TNRC18: variants seen among roughly 807,000 people sequenced by gnomAD.
TNRC18 encodes the protein trinucleotide repeat-containing gene 18 protein.
Under a neutral mutation model 226.7 loss-of-function variants are expected in TNRC18, and 69 were observed. The observed-to-expected ratio is 0.30, with a 90% CI of 0.25 to 0.37. The LOEUF is 0.37. Among genes scored for constraint, TNRC18 ranks in the 10% least tolerant of loss-of-function variants. The pLI is 1.00. For missense variants in TNRC18, 4,754 were observed against 4,256.6 expected (o/e 1.12, Z -3.25); for synonymous variants, 2,449 against 1,927.6 (o/e 1.27, Z -7.09).
Position 5,388,035 on chromosome 7 carries a change from G to T in TNRC18, c.1789C>A (p.Arg597=). The T allele has an allele frequency of 6.4e-7, 1 of 1,563,838 alleles. No homozygotes were observed. Among genetic ancestry groups the T allele is most frequent in the Non-Finnish European group, 8.7e-7 (1 of 1,155,122 alleles). ...SLIKYSGSFA[R]DAVAVRPGGC... ...CCAGGGCGCACGGCCACGGCGTCCC[G>T]GGCAAAGCTGCCACTGTACTTTATA... The change falls in exon 5 of 30, where the codon CGG becomes AGG. Residue 597 remains arginine (R), a synonymous_variant. Coordinates refer to ENST00000430969, the MANE Select transcript of TNRC18 (RefSeq NM_001080495.3).
At chr7:5,341,486 A>G (rs1790680377) in intron 18 of TNRC18, among the ~76,000 whole-genome samples, 1 of 144,370 alleles carries the variant, frequency 6.9e-6, no homozygotes, top group African/African-American at 2.6e-5. Context: ...ACAGCAGACC[A>G]GGTGTGGTGG....
intron 19 of TNRC18, among the ~76,000 whole-genome samples, chr7:5,327,546 T>C (rs1789061622): frequency 6.6e-6 from 1 of 151,964 alleles, no homozygotes; most frequent in South Asian, 2.1e-4. Context: ...ATTAAGCAGA[T>C]AGCTGCAGCT....
chr7:5,374,167 TGGGGAGGCGGGCGGCGGGCTGG>T lies in TNRC18; in HGVS notation c.3095_3116del (p.Thr1032AsnfsTer120). ...TGCGGGTGATACCCGGGGTGGGCGG[TGGGGAGGCGGGCGGCGGGCTGG>T]TGGGGTGGGAGCTGGGGGTGGCGGG... On this transcript the variant is annotated frameshift_variant, in exon 10 of 30. Coordinates refer to ENST00000430969, the MANE Select transcript of TNRC18 (RefSeq NM_001080495.3). LOFTEE classifies it high-confidence loss of function. The T allele has an allele frequency of 6.9e-6, 3 of 432,252 alleles. No homozygotes were observed. The highest frequency in any genetic ancestry group is 2.7e-6 in the Non-Finnish European group (1 of 376,016). 26.8% of individuals were successfully genotyped at this position (432,252 alleles called of 1,614,324 possible). A position where few individuals can be genotyped will look rare whatever the true frequency, so the allele number is the denominator to read the frequency against.
At chr7:5,314,293 C>T (rs1364679383) in intron 26 of TNRC18, among the ~76,000 whole-genome samples, 1 of 152,148 alleles carries the variant, frequency 6.6e-6, no homozygotes, top group Non-Finnish European at 1.5e-5. Flanking sequence ...TCAATCCTGG[C>T]CCTGCTACTT....
chr7:5,422,865 G>A (rs1214051459), intron 1 of TNRC18: 1 of 152,222 alleles, frequency 6.6e-6, no homozygotes, highest in African/African-American at 2.4e-5. Context: ...ATGTCTTAAG[G>A]AGGCGATGAG....
chr7:5,362,120 AG>A, intron 12 of TNRC18, 87 bp from the exon 13 acceptor site: 2 of 1,506,020 alleles, frequency 1.3e-6, no homozygotes, highest in South Asian at 2.5e-5. Context: ...CCCCTGAGGA[AG>A]GGGAGACTGC....
chr7:5,420,271 G>A, intron 2 of TNRC18: 1 of 401,790 alleles, frequency 2.5e-6, no homozygotes. Flanking sequence ...AGCTCGATGT[G>A]AGACCCAGGG....
At chr7:5,323,568 G>GTTTTT (rs1554272402) in intron 21 of TNRC18, among the ~76,000 whole-genome samples, 1,788 of 122,232 alleles carry the variant, frequency 0.015, 92 homozygotes, top group South Asian at 0.024. Context: ...GCACCAGACA[G>GTTTTT]TTTTTTTTTT....
chr7:5,401,241 G>A (rs1019427292), intron 2 of TNRC18, among the ~76,000 whole-genome samples: 1 of 137,576 alleles, frequency 7.3e-6, no homozygotes, highest in Non-Finnish European at 1.6e-5. Context: ...GGGGGGCGGG[G>A]GGGCTGCATG....
chr7:5,345,810 T>A lies in TNRC18; in HGVS notation c.5471A>T (p.Asp1824Val). The change falls in exon 18 of 30, where the codon GAT becomes GTT. Residue 1824 changes from aspartate (D) to valine (V), a missense_variant and splice_region_variant. Physicochemically the swap from Asp to Val is radical, Grantham distance 152. Coordinates refer to ENST00000430969, the MANE Select transcript of TNRC18 (RefSeq NM_001080495.3). ...SDSSEESFDQ[D>V]ESSEEEDEEE... The stretch of plus-strand genomic sequence containing the variant: ...CTCGTCCTCCTCCTCCGAGCTCTCA[T>A]CTGGCGTGCAGAAAACAGGGACCGA... The A allele has an allele frequency of 6.5e-7, 1 of 1,541,384 alleles. No individual in the cohort carries two copies. The highest frequency in any genetic ancestry group is 8.7e-7 in the Non-Finnish European group (1 of 1,146,110).
intron 2 of TNRC18, among the ~76,000 whole-genome samples, chr7:5,398,264 G>A (rs897637714): frequency 1.3e-5 from 2 of 151,826 alleles, no homozygotes; most frequent in African/African-American, 2.4e-5. Context: ...TCCGCCACCC[G>A]GGTTCAAGTG....
intron 2 of TNRC18, among the ~76,000 whole-genome samples, chr7:5,412,632 A>T (rs1781919479): frequency 6.6e-6 from 1 of 152,176 alleles, no homozygotes; most frequent in Non-Finnish European, 1.5e-5. Context: ...CCTCACAACC[A>T]CCAAATGAAC....
intron 19 of TNRC18, among the ~76,000 whole-genome samples, chr7:5,328,263 C>T (rs1789140539): frequency 6.6e-6 from 1 of 152,102 alleles, no homozygotes; most frequent in Non-Finnish European, 1.5e-5. Context: ...TGGCTCACGC[C>T]TGTAATCCCA....
Position 5,314,999 on chromosome 7 carries a change from C to G in TNRC18, c.7012G>C (p.Ala2338Pro), listed in dbSNP as rs769607538. 2.5e-6 allele frequency: 4 copies of G among 1,606,360 alleles called. No individual in the cohort carries two copies. The Admixed American group carries it at 6.7e-5, about 27-fold the overall frequency. The change falls in exon 26 of 30, where the codon GCC becomes CCC. Residue 2338 changes from alanine (A) to proline (P), a missense_variant. Transcript: ENST00000430969. ...GCCAACCTACCACCCTTGGCCTTGGCGCTGGGTTTCCGCCCACGCCCACGG... is the reference window on the plus strand; with the variant it reads ...GCCAACCTACCACCCTTGGCCTTGGGGCTGGGTTTCCGCCCACGCCCACGG... ...KARGRGRKPSAKAKGDRAATL... is the reference protein window; with the variant it reads ...KARGRGRKPSPKAKGDRAATL...
intron 21 of TNRC18, 70 bp from the exon 22 acceptor site, chr7:5,321,260 A>AC: frequency 8.7e-7 from 1 of 1,148,340 alleles, no homozygotes. Context: ...TCCTCCCGTT[A>AC]CCCCCAAGTC....
Position 5,377,058 on chromosome 7 carries a change from C to T in TNRC18, c.2462-65G>A, listed in dbSNP as rs1167427920. The T allele has an allele frequency of 6.5e-6, 10 of 1,528,224 alleles. No individual in the cohort carries two copies. The highest frequency in any genetic ancestry group is 7.9e-6 in the Non-Finnish European group (9 of 1,140,052). The allele number at this position is 1,528,224 out of a possible 1,614,324, so 94.7% of individuals were successfully genotyped here. A position where few individuals can be genotyped will look rare whatever the true frequency, so the allele number is the denominator to read the frequency against. ...CCCCAAGCGGTTTGTCCTCGGGCAGCCCCAGCCCAGCACCACCTCCCAAGT... is the reference window on the plus strand; with the variant it reads ...CCCCAAGCGGTTTGTCCTCGGGCAGTCCCAGCCCAGCACCACCTCCCAAGT... On this transcript the variant is annotated intron_variant, in intron 7 of 29. Coordinates refer to ENST00000430969, the MANE Select transcript of TNRC18 (RefSeq NM_001080495.3). The surrounding 1 kb of genome is among the most constrained non-coding windows in gnomAD (Gnocchi z 5.8).
chr7:5,361,642 G>T lies in TNRC18; in HGVS notation c.4613C>A (p.Ala1538Asp), dbSNP rs780124904. 84 of 1,552,756 alleles carry T rather than the reference G, an allele frequency of 5.4e-5. No homozygotes were observed. Among genetic ancestry groups the T allele is most frequent in the Non-Finnish European group, 7.0e-5 (81 of 1,150,468 alleles). ...CCCTCTCTTGCGGGGGGGCGACAGG[G>T]CGCTCGGGGCGTGGGTCCGTTTCCG... ...RPRKRTHAPSALSPPRKRGKS... is the reference protein window; with the variant it reads ...RPRKRTHAPSDLSPPRKRGKS... The change falls in exon 14 of 30, where the codon GCC becomes GAC. Residue 1538 changes from alanine (A) to aspartate (D), a missense_variant. Physicochemically the swap from Ala to Asp is moderately radical, Grantham distance 126. Transcript: ENST00000430969.
In TNRC18 at chr7:5,313,387, C is replaced by T. The variant is rs757878914; in HGVS notation, c.7504G>A (p.Gly2502Ser). Reference sequence around the variant, plus strand: ...CTGCCGGCCGCGGGGGGATAGCTGCCCAGGCTCAGGAGGCTCTTGGGCTCC... The same window carrying T: ...CTGCCGGCCGCGGGGGGATAGCTGCTCAGGCTCAGGAGGCTCTTGGGCTCC... ...WQEPKSLLSLGSYPPAAGSSE... is the reference protein window; with the variant it reads ...WQEPKSLLSLSSYPPAAGSSE... Residue 2502 changes from glycine to serine, a missense_variant, in exon 27 of 30, where the codon GGC (glycine) becomes AGC (serine). Physicochemically the swap from Gly to Ser is moderately conservative, Grantham distance 56. Coordinates refer to ENST00000430969, the MANE Select transcript of TNRC18 (RefSeq NM_001080495.3). 2.5e-6 allele frequency: 4 copies of T among 1,590,514 alleles called. No homozygotes were observed. The highest frequency in any genetic ancestry group is 3.4e-6 in the Non-Finnish European group (4 of 1,169,874).
intron 28 of TNRC18, 46 bp from the exon 29 acceptor site, chr7:5,308,995 T>C: frequency 6.4e-7 from 1 of 1,563,750 alleles, no homozygotes; most frequent in Non-Finnish European, 8.7e-7. Flanking sequence ...CGGGGGCTGC[T>C]GCACCCGACC....
Sources: gnomAD v4.1 joint callset for allele counts (sites outside exome capture counted in the v4.1 genomes callset) on GRCh38, gnomAD v4.1.1 for gene constraint, Gnocchi (gnomAD v3.1) non-coding constraint, MANE v1.5 for transcripts, NCBI Gene and HGNC (gene_info 2026-07-23, HGNC 2026-07-21) for gene names.